The following SAMD5 variants were observed in gnomAD, a reference collection of about 807,000 sequenced individuals.
SAMD5 encodes the protein sterile alpha motif domain containing 5, also known as sterile alpha motif domain-containing protein 5.
A neutral mutation model predicts 11.3 loss-of-function variants in SAMD5; 13 were observed. The ratio of observed to expected loss-of-function variants is 1.15; its 90% confidence interval spans 0.75 to 1.83. SAMD5 has a LOEUF of 1.83. Ranked by LOEUF, SAMD5 falls within the 40% of genes most tolerant of loss-of-function variation. The pLI is 0.00. For missense variants in SAMD5, 255 were observed against 239.1 expected, an observed-to-expected ratio of 1.07 and a Z score of -0.44; for synonymous variants, 129 against 111.3, an observed-to-expected ratio of 1.16 and a Z score of -1.00.
At chr6:147,852,353 G>T in the SAMD5 span, among the ~76,000 whole-genome samples, 1 of 151,948 alleles carries the variant, frequency 6.6e-6, no homozygotes, top group African/African-American at 2.4e-5. Context: ...CTTTTAAAGT[G>T]CCACCAATTA....
intron 1 of SAMD5, among the ~76,000 whole-genome samples, chr6:147,653,057 A>G (rs1427273080): frequency 6.6e-6 from 1 of 152,158 alleles, no homozygotes; most frequent in Non-Finnish European, 1.5e-5. Context: ...AAGTATAAAT[A>G]TACTTTCTGA....
At chr6:147,704,165 G>C (rs1791294613) in intron 1 of SAMD5, among the ~76,000 whole-genome samples, 1 of 152,174 alleles carries the variant, frequency 6.6e-6, no homozygotes, top group Non-Finnish European at 1.5e-5. Context: ...AAGGTGCTGG[G>C]ATTACAGGCG....
chr6:147,950,058 T>C, the SAMD5 span, among the ~76,000 whole-genome samples: 8 of 152,036 alleles, frequency 5.3e-5, no homozygotes, highest in African/African-American at 9.7e-5. Flanking sequence ...AAAAAACAGA[T>C]AGAAAACCAA....
intron 1 of SAMD5, among the ~76,000 whole-genome samples, chr6:147,625,539 G>A (rs1224715552): frequency 6.6e-6 from 1 of 152,144 alleles, no homozygotes; most frequent in African/African-American, 2.4e-5. Flanking sequence ...GAAAATAAAA[G>A]TATAGATATA....
the SAMD5 span, among the ~76,000 whole-genome samples, chr6:147,789,283 ACACACACACACACAC>A: frequency 0.015 from 1,251 of 84,842 alleles, 26 homozygotes; most frequent in African/African-American, 0.1. Context: ...AGAAAAACAC[ACACACACACACACAC>A]ACACACACAC....
At chr6:147,909,863 A>C in the SAMD5 span, among the ~76,000 whole-genome samples, 2 of 151,944 alleles carry the variant, frequency 1.3e-5, no homozygotes, top group African/African-American at 4.8e-5. Flanking sequence ...AGGAATGCCC[A>C]TTCAGTCTAC....
the SAMD5 span, among the ~76,000 whole-genome samples, chr6:147,894,365 G>A: frequency 2.0e-5 from 3 of 152,042 alleles, no homozygotes; most frequent in South Asian, 2.1e-4. Flanking sequence ...CTTGTGATCC[G>A]CCTGCATCGG....
intron 1 of SAMD5, among the ~76,000 whole-genome samples, chr6:147,693,466 G>A (rs1391828022): frequency 6.6e-6 from 1 of 152,234 alleles, no homozygotes; most frequent in African/African-American, 2.4e-5. Context: ...GGGGCAATAA[G>A]GGGCAGAGAG....
chr6:147,868,949 A>G, the SAMD5 span, among the ~76,000 whole-genome samples: 2 of 152,212 alleles, frequency 1.3e-5, no homozygotes, highest in African/African-American at 2.4e-5. Flanking sequence ...AGGCATTTTC[A>G]TATCATAGAT....
At chr6:147,846,577 G>A in the SAMD5 span, among the ~76,000 whole-genome samples, 58,434 of 152,086 alleles carry the variant, frequency 0.38, 12,527 homozygotes, top group African/African-American at 0.58. Flanking sequence ...CCCAGCACTT[G>A]GAGAGGCCAA....
rs80342827 is a variant in SAMD5, at chr6:147,717,914, A to G, written c.163-19403A>G. Among the ~76,000 whole-genome samples the G allele has an allele frequency of 6.7e-3, 1,026 of 152,262 alleles. 11 individuals are homozygous for G. Among genetic ancestry groups the G allele is most frequent in the African/African-American group, 0.024 (980 of 41,544 alleles). On this transcript the variant is annotated intron_variant, in intron 1 of 1. Transcript: ENST00000566741. ...AACTGCCTTCTGATATGCCACCAAC[A>G]AGATATTCACATTGTTTCCTTTTTG...
the SAMD5 span, among the ~76,000 whole-genome samples, chr6:147,918,348 T>G: frequency 9.9e-5 from 15 of 152,048 alleles, no homozygotes; most frequent in Non-Finnish European, 2.1e-4. Context: ...GTTCACTCAT[T>G]GTTTGGCTCT....
chr6:147,910,616 A>G, the SAMD5 span, among the ~76,000 whole-genome samples: 3 of 152,148 alleles, frequency 2.0e-5, no homozygotes, highest in Non-Finnish European at 2.9e-5. Flanking sequence ...CCTCGGATCC[A>G]TATGTGTCCA....
the SAMD5 span, among the ~76,000 whole-genome samples, chr6:147,794,224 T>C: frequency 6.6e-6 from 1 of 152,192 alleles, no homozygotes; most frequent in African/African-American, 2.4e-5. Context: ...TATACAATGG[T>C]TGTAACACCT....
the SAMD5 span, among the ~76,000 whole-genome samples, chr6:147,804,857 T>C: frequency 6.6e-6 from 1 of 152,236 alleles, no homozygotes; most frequent in Non-Finnish European, 1.5e-5. Flanking sequence ...GTTATGTCTC[T>C]ATAAAATTCT....
At chr6:147,576,458 G>A (rs114238576) in intron 1 of SAMD5, among the ~76,000 whole-genome samples, 2,455 of 152,200 alleles carry the variant, frequency 0.016, 59 homozygotes, top group African/African-American at 0.055. Flanking sequence ...CAAGTTTTAA[G>A]ATGTTTTCAG....
In SAMD5 at chr6:147,565,688, G is replaced by A; in HGVS notation, c.*1232G>A. ...TTGGCCAGGCTGTTCTTGAACTCCT[G>A]GCCTCAAATGATCCACTCGCCGTGG... is the stretch of plus-strand genomic sequence containing the variant. On this transcript the variant is annotated 3_prime_UTR_variant, in exon 2 of 2. Transcript: ENST00000367474. The A allele has an allele frequency of 1.3e-6, 1 of 789,660 alleles. No homozygotes were observed. Among genetic ancestry groups the A allele is most frequent in the Non-Finnish European group, 1.5e-6 (1 of 651,656 alleles). 48.9% of individuals were successfully genotyped at this position (789,660 alleles called of 1,614,324 possible).
Position 147,565,769 on chromosome 6 carries a change from GT to G in SAMD5, c.*1314del, listed in dbSNP as rs1789029478. The G allele has an allele frequency of 1.0e-6, 1 of 985,332 alleles. No homozygotes were observed. Among genetic ancestry groups the G allele is most frequent in the African/African-American group, 1.7e-5 (1 of 57,328 alleles). The allele number at this position is 985,332 out of a possible 1,614,324, so 61.0% of individuals were successfully genotyped here. A position where few individuals can be genotyped will look rare whatever the true frequency, so the allele number is the denominator to read the frequency against. ...GCCATCACACCCGGCCTGGATGCTG[GT>G]AGTTTTATTTTCTGCTTAGAAAACG... On this transcript the variant is annotated 3_prime_UTR_variant, in exon 2 of 2. Transcript: ENST00000367474.
chr6:147,712,294 A>G (rs569176483), intron 1 of SAMD5, among the ~76,000 whole-genome samples: 1 of 152,218 alleles, frequency 6.6e-6, no homozygotes, highest in Admixed American at 6.5e-5. Context: ...ACATACTAGC[A>G]TCAAATGGAT....
Sources: gnomAD v4.1 joint callset for allele counts (sites outside exome capture counted in the v4.1 genomes callset) on GRCh38, gnomAD v4.1.1 for gene constraint, MANE v1.5 for transcripts, NCBI Gene and HGNC (gene_info 2026-07-23, HGNC 2026-07-21) for gene names.